GIGYF2: variants seen among roughly 807,000 people sequenced by gnomAD.
GIGYF2 encodes the protein GRB10 interacting GYF protein 2.
Under a neutral mutation model 208.1 loss-of-function variants are expected in GIGYF2, and 25 were observed. That is an observed-to-expected ratio of 0.12 (90% CI 0.09 to 0.17). The LOEUF (loss-of-function observed/expected upper bound fraction) is 0.17, where lower values mean the gene tolerates loss of function less well. GIGYF2 is among the 10% of genes least tolerant of loss of function. The pLI is 1.00. For missense variants in GIGYF2, 1,302 were observed against 1,579.4 expected (o/e 0.82, Z 2.98); for synonymous variants, 534 against 543.8 (o/e 0.98, Z 0.25).
At chr2:232,823,566 G>C (rs760317435) in intron 21 of GIGYF2, among the ~76,000 whole-genome samples, 4 of 151,842 alleles carry the variant, frequency 2.6e-5, no homozygotes, top group African/African-American at 4.8e-5. Context: ...TGTTGCTCAG[G>C]CTGGTCTTGA....
At chr2:232,725,938 A>C (rs754475525) in intron 2 of GIGYF2, among the ~76,000 whole-genome samples, 1 of 152,230 alleles carries the variant, frequency 6.6e-6, no homozygotes, top group Non-Finnish European at 1.5e-5. Context: ...ATTCTGTAGA[A>C]GAGGTTGGGG....
At chr2:232,804,222 C>CT (rs1240199518) in intron 14 of GIGYF2, among the ~76,000 whole-genome samples, 1 of 152,106 alleles carries the variant, frequency 6.6e-6, no homozygotes, top group Admixed American at 6.5e-5. Flanking sequence ...TTAAACCTCT[C>CT]TATCAGTTTG....
In GIGYF2 at chr2:232,812,409, C is replaced by A; in HGVS notation, c.2025C>A (p.Ile675=). ...TTTGCAGAATATCTGATCAGAACAT[C>A]ATTCCCTCAGTAACTAGGTCTGTGT... is the stretch of plus-strand genomic sequence containing the variant. ...TLKMRISDQN[I]IPSVTRSVSV... Residue 675 remains isoleucine, a synonymous_variant, in exon 18 of 29, where the codon ATC becomes ATA. Transcript: ENST00000373563. 6.8e-7 allele frequency: 1 copy of A among 1,460,916 alleles called. No homozygotes were observed. Among genetic ancestry groups the A allele is most frequent in the Non-Finnish European group, 9.6e-7 (1 of 1,040,890 alleles). 90.5% of individuals were successfully genotyped at this position (1,460,916 alleles called of 1,614,324 possible). A position where few individuals can be genotyped will look rare whatever the true frequency, so the allele number is the denominator to read the frequency against.
At chr2:232,753,654 G>A (rs1292303673) in intron 5 of GIGYF2, among the ~76,000 whole-genome samples, 1 of 152,080 alleles carries the variant, frequency 6.6e-6, no homozygotes, top group African/African-American at 2.4e-5. Flanking sequence ...TTAATGTGTT[G>A]CGTGCTTGCA....
intron 8 of GIGYF2, among the ~76,000 whole-genome samples, chr2:232,769,854 A>G (rs1411725835): frequency 6.6e-6 from 1 of 152,216 alleles, no homozygotes; most frequent in East Asian, 1.9e-4. Flanking sequence ...TATGTGCCTT[A>G]CTGATACATT....
At chr2:232,733,256 TCAA>T (rs869245594) in intron 2 of GIGYF2, among the ~76,000 whole-genome samples, 1 of 120,062 alleles carries the variant, frequency 8.3e-6, no homozygotes, top group African/African-American at 3.3e-5. Context: ...GACTCTTGTC[TCAA>T]AAAAAAAAAA....
At chr2:232,714,342 T>A (rs1696574905) in intron 2 of GIGYF2, among the ~76,000 whole-genome samples, 1 of 152,234 alleles carries the variant, frequency 6.6e-6, no homozygotes, top group East Asian at 1.9e-4. Flanking sequence ...ACAGTACATT[T>A]GTAGATAATG....
chr2:232,765,245 C>A (rs1322831018), intron 8 of GIGYF2: 2 of 152,278 alleles, frequency 1.3e-5, no homozygotes, highest in South Asian at 2.1e-4. Flanking sequence ...ATAATTATAT[C>A]TTACACTCTC....
In GIGYF2 at chr2:232,832,875, T is replaced by C; in HGVS notation, c.2548T>C (p.Trp850Arg). ...LRKQEEEAAK[W>R]AREEEEAQRR... ...TGGAAAGGAAGAGGAGGCTGCAAAA[T>C]GGGCCCGGGAAGAAGAAGAAGCCCA... Residue 850 changes from tryptophan to arginine, a missense_variant, in exon 22 of 29, where the codon TGG becomes CGG. Transcript: ENST00000373563. The C allele has an allele frequency of 6.4e-7, 1 of 1,554,952 alleles. No homozygotes were observed. The highest frequency in any genetic ancestry group is 1.9e-5 in the Admixed American group (1 of 51,518).
rs768507929 is a variant in GIGYF2 at position 232,803,674 on chromosome 2, CTTTTTT to C, written c.1640-2798_1640-2793del. On this transcript the variant is annotated intron_variant, in intron 14 of 28. Coordinates refer to ENST00000373563, the MANE Select transcript of GIGYF2 (RefSeq NM_001103146.3). ...TGTGGGTCTGTTTCTATTTCTGCTTCTTTTTTTTTTTTTTTTTTTTTTTTGAGACGG... is the reference window on the plus strand; with the variant it reads ...TGTGGGTCTGTTTCTATTTCTGCTTCTTTTTTTTTTTTTTTTTTGAGACGG... 4.0e-5 allele frequency among the ~76,000 whole-genome samples: 2 copies of C among 49,926 alleles called. 1 individual carries two copies. Among genetic ancestry groups the C allele is most frequent in the African/African-American group, 2.5e-4 (2 of 7,930 alleles). The allele number at this position is 49,926 out of a possible 152,430, so 32.8% of individuals were successfully genotyped here. A position where few individuals can be genotyped will look rare whatever the true frequency, so the allele number is the denominator to read the frequency against.
chr2:232,713,579 A>G (rs1023606508), intron 2 of GIGYF2, among the ~76,000 whole-genome samples: 2 of 152,114 alleles, frequency 1.3e-5, no homozygotes, highest in African/African-American at 4.8e-5. Context: ...CATTTCCTTA[A>G]TTGTACCTAG....
intron 27 of GIGYF2, among the ~76,000 whole-genome samples, chr2:232,848,764 G>C (rs1176562990): frequency 6.6e-6 from 1 of 152,188 alleles, no homozygotes; most frequent in African/African-American, 2.4e-5. Context: ...TTGTTTCCTT[G>C]TTCTACCTTA....
chr2:232,825,028 A>G (rs1370765590), intron 21 of GIGYF2, among the ~76,000 whole-genome samples: 3 of 152,152 alleles, frequency 2.0e-5, no homozygotes, highest in African/African-American at 7.2e-5. Context: ...AATATTTTAA[A>G]CTCACTGTTG....
At chr2:232,813,499 G>A (rs989921373) in intron 18 of GIGYF2, among the ~76,000 whole-genome samples, 7 of 152,102 alleles carry the variant, frequency 4.6e-5, no homozygotes, top group South Asian at 4.1e-4. Context: ...GAGCCACTGC[G>A]CCCAGCCGAG....
chr2:232,834,627 G>T (rs534623354), intron 22 of GIGYF2, among the ~76,000 whole-genome samples: 15 of 152,186 alleles, frequency 9.9e-5, no homozygotes, highest in East Asian at 3.9e-4. Flanking sequence ...TTCTTCAATT[G>T]TATGTTCTGT....
intron 2 of GIGYF2, among the ~76,000 whole-genome samples, chr2:232,708,351 G>C (rs901981942): frequency 3.3e-5 from 5 of 152,092 alleles, no homozygotes; most frequent in Non-Finnish European, 7.3e-5. Context: ...TTAATTGTGT[G>C]GTGCAACGGG....
intron 3 of GIGYF2, among the ~76,000 whole-genome samples, chr2:232,741,717 T>C (rs1697974636): frequency 6.6e-6 from 1 of 152,198 alleles, no homozygotes; most frequent in Non-Finnish European, 1.5e-5. Flanking sequence ...GTGTTGGGAT[T>C]ACAGATGTGA....
intron 8 of GIGYF2, among the ~76,000 whole-genome samples, chr2:232,780,359 G>T (rs918696221): frequency 6.6e-6 from 1 of 152,168 alleles, no homozygotes; most frequent in African/African-American, 2.4e-5. Flanking sequence ...AATTGTATAT[G>T]TAGTACGTAT....
Position 232,852,552 on chromosome 2 carries a change from AAAT to A in GIGYF2, c.3832+2150_3832+2152del, listed in dbSNP as rs573780301. 2.1e-3 allele frequency among the ~76,000 whole-genome samples: 314 copies of A among 152,114 alleles called. 6 individuals carry two copies. Among genetic ancestry groups the A allele is most frequent in the African/African-American group, 6.8e-3 (283 of 41,528 alleles). On this transcript the variant is annotated intron_variant, in intron 28 of 28. Transcript: ENST00000373563. ...GACAGAGTGAGACTCCGTCTCAAAAAAATAATAATTTAAAATAATAATGTTTAA... is the reference window on the plus strand; with the variant it reads ...GACAGAGTGAGACTCCGTCTCAAAAAAATAATTTAAAATAATAATGTTTAA...
Sources: allele counts gnomAD v4.1 joint callset (sites outside exome capture counted in the v4.1 genomes callset), GRCh38; gene constraint gnomAD v4.1.1; transcripts MANE v1.5; gene names NCBI Gene and HGNC (gene_info 2026-07-23, HGNC 2026-07-21).